The following CREB3L1 variants were observed in gnomAD, a reference collection of about 807,000 sequenced individuals.
CREB3L1 encodes the protein cAMP responsive element binding protein 3 like 1.
CREB3L1 carries 33 observed loss-of-function variants against 54.5 expected under a neutral mutation model. The ratio of observed to expected loss-of-function variants is 0.61; its 90% CI spans 0.46 to 0.81. The LOEUF (loss-of-function observed/expected upper bound fraction) is 0.81, where lower values mean the gene tolerates loss of function less well. Ranked by LOEUF, CREB3L1 falls within the 30% of genes least tolerant of loss-of-function variation. The pLI is 0.00. For missense variants in CREB3L1, 656 were observed against 673.3 expected (o/e 0.97, Z 0.29); for synonymous variants, 284 against 286.4 (o/e 0.99, Z 0.08).
intron 2 of CREB3L1, among the ~76,000 whole-genome samples, chr11:46,307,557 A>G (rs184219860): frequency 1.8e-4 from 27 of 152,322 alleles, no homozygotes; most frequent in Admixed American, 4.6e-4. Flanking sequence ...CAACTAGCCT[A>G]AGGTCACACA....
At chr11:46,299,628 G>A (rs765761157) in intron 1 of CREB3L1, among the ~76,000 whole-genome samples, 2 of 152,332 alleles carry the variant, frequency 1.3e-5, no homozygotes, top group African/African-American at 2.4e-5. Context: ...CTGTTGCCTG[G>A]TCCAGGGAGT....
intron 3 of CREB3L1, 109 bp from the exon 4 acceptor site, chr11:46,309,880 T>TC: frequency 1.2e-6 from 1 of 829,746 alleles, no homozygotes; most frequent in Non-Finnish European, 2.0e-6. Context: ...CCCAGCCACT[T>TC]CCCCAACTGT....
intron 1 of CREB3L1, among the ~76,000 whole-genome samples, chr11:46,292,035 C>T (rs1939137884): frequency 6.6e-6 from 1 of 152,230 alleles, no homozygotes; most frequent in Non-Finnish European, 1.5e-5. Context: ...GAGAGCAGCC[C>T]TGGCGGGTTG....
intron 10 of CREB3L1, among the ~76,000 whole-genome samples, chr11:46,319,106 G>A (rs1939609748): frequency 6.6e-6 from 1 of 152,234 alleles, no homozygotes; most frequent in African/African-American, 2.4e-5. Flanking sequence ...GCCACAGTGA[G>A]AGGAGGCAAT....
At chr11:46,301,015 A>C (rs1368450979) in intron 2 of CREB3L1, among the ~76,000 whole-genome samples, 1 of 149,888 alleles carries the variant, frequency 6.7e-6, no homozygotes, top group Non-Finnish European at 1.5e-5. Flanking sequence ...AAAAAAAAAA[A>C]AAAAAAAAAA....
intron 1 of CREB3L1, among the ~76,000 whole-genome samples, chr11:46,284,062 G>T (rs1349056054): frequency 6.6e-6 from 1 of 152,188 alleles, no homozygotes; most frequent in East Asian, 1.9e-4. Flanking sequence ...GAATTCACTT[G>T]CTCATTCATT....
chr11:46,288,046 C>T (rs1172481294), intron 1 of CREB3L1, among the ~76,000 whole-genome samples: 3 of 151,592 alleles, frequency 2.0e-5, no homozygotes, highest in African/African-American at 4.8e-5. Context: ...GTGTTACAAA[C>T]AATCCAATTA....
rs1366258091 is a variant in CREB3L1, at chr11:46,320,459, C to T, written c.1454C>T (p.Ala485Val). The T allele has an allele frequency of 1.2e-6, 2 of 1,606,166 alleles. No individual in the cohort carries two copies. The highest frequency in any genetic ancestry group is 1.3e-5 in the African/African-American group (1 of 74,684). The change falls in exon 11 of 12, where the codon GCC becomes GTC. Residue 485 changes from alanine (A) to valine (V), a missense_variant. Coordinates refer to ENST00000621158, the MANE Select transcript of CREB3L1 (RefSeq NM_052854.4). ...THETTKYLSE[A>V]WPKDGGNGTS... ...GAGACCACCAAGTACCTGAGTGAGG[C>T]CTGGCCTAAAGACGGTGGAAACGGC...
At chr11:46,297,753 T>A (rs1022803642) in intron 1 of CREB3L1, among the ~76,000 whole-genome samples, 2 of 152,168 alleles carry the variant, frequency 1.3e-5, no homozygotes, top group African/African-American at 4.8e-5. Context: ...TGTCCTGGAT[T>A]ATCTCATCAG....
intron 1 of CREB3L1, among the ~76,000 whole-genome samples, chr11:46,288,823 C>G (rs1181163865): frequency 6.6e-6 from 1 of 152,164 alleles, no homozygotes; most frequent in Non-Finnish European, 1.5e-5. Context: ...GCAATCAGAG[C>G]TTGGGTTCAA....
At chr11:46,293,344 C>T (rs968837622) in intron 1 of CREB3L1, among the ~76,000 whole-genome samples, 10 of 152,332 alleles carry the variant, frequency 6.6e-5, no homozygotes, top group African/African-American at 1.9e-4. Context: ...TCCTCCTGCC[C>T]AGACAGTGCC....
At chr11:46,293,921 CTTGTT>C (rs1939166385) in intron 1 of CREB3L1, among the ~76,000 whole-genome samples, 1 of 152,106 alleles carries the variant, frequency 6.6e-6, no homozygotes, top group African/African-American at 2.4e-5. Context: ...ATGAGTGTGT[CTTGTT>C]GAGTTTGTGT....
At chr11:46,308,887 C>T (rs1279332240) in intron 3 of CREB3L1, among the ~76,000 whole-genome samples, 1 of 152,220 alleles carries the variant, frequency 6.6e-6, no homozygotes, top group Admixed American at 6.5e-5. Flanking sequence ...ACTCCTCAGG[C>T]CTTGCCAAAG....
chr11:46,313,013 A>G, intron 8 of CREB3L1, 94 bp downstream of exon 8: 2 of 954,832 alleles, frequency 2.1e-6, no homozygotes, highest in Non-Finnish European at 3.1e-6. Flanking sequence ...GAGAGGAGAG[A>G]GAACTAAGTT....
chr11:46,318,534 T>C (rs1365186567), intron 10 of CREB3L1, among the ~76,000 whole-genome samples: 1 of 152,218 alleles, frequency 6.6e-6, no homozygotes, highest in African/African-American at 2.4e-5. Flanking sequence ...TAGCACAGTG[T>C]CTGTGCTTAT....
At position 46,312,413 on chromosome 11, in the gene CREB3L1, TC is replaced by T; in HGVS notation, c.847del (p.Leu283SerfsTer9). 3.1e-6 allele frequency: 5 copies of T among 1,612,886 alleles called. No homozygotes were observed. Among genetic ancestry groups the T allele is most frequent in the Non-Finnish European group, 4.2e-6 (5 of 1,179,644 alleles). ...IAEGYPIPTK[L>X]PLTKAEEKAL... The stretch of plus-strand genomic sequence containing the variant: ...GAGGGCTACCCCATCCCCACAAAAC[TC>T]CCCCTCACCAAAGCCGAGGAGAAGG... On this transcript the variant is annotated frameshift_variant, in exon 6 of 12. Coordinates refer to ENST00000621158, the MANE Select transcript of CREB3L1 (RefSeq NM_052854.4). LOFTEE classifies it high-confidence loss of function.
intron 4 of CREB3L1, 99 bp from the exon 5 acceptor site, chr11:46,310,933 A>G (rs1939475158): frequency 1.5e-5 from 21 of 1,442,104 alleles, no homozygotes; most frequent in Non-Finnish European, 1.9e-5. Context: ...GTGTCCCACA[A>G]TGTCAGGGCT....
chr11:46,305,700 G>GTA (rs201431893), intron 2 of CREB3L1, among the ~76,000 whole-genome samples: 1,856 of 87,484 alleles, frequency 0.021, 45 homozygotes, highest in African/African-American at 0.081. Flanking sequence ...ATGTGTGTGT[G>GTA]TGTGTGTGTG....
intron 1 of CREB3L1, among the ~76,000 whole-genome samples, chr11:46,291,822 C>G (rs1336907621): frequency 6.6e-6 from 1 of 152,126 alleles, no homozygotes; most frequent in Non-Finnish European, 1.5e-5. Flanking sequence ...CCACACCTTC[C>G]CTGAAAGAAG....
Sources: allele counts gnomAD v4.1 joint callset (sites outside exome capture counted in the v4.1 genomes callset), GRCh38; gene constraint gnomAD v4.1.1; transcripts MANE v1.5; gene names NCBI Gene and HGNC (gene_info 2026-07-23, HGNC 2026-07-21).